Variants in AUTS2 observed in about 807,000 individuals in gnomAD.
AUTS2 encodes activator of transcription and developmental regulator AUTS2.
In AUTS2, 17 loss-of-function variants were observed where a neutral mutation model predicts 112.4. That is an observed-to-expected ratio of 0.15 (90% CI 0.10 to 0.23). The LOEUF (loss-of-function observed/expected upper bound fraction) is 0.23, where lower values mean the gene tolerates loss of function less well. AUTS2 is among the 10% of genes least tolerant of loss of function. AUTS2 has a pLI of 1.00. For synonymous variants in AUTS2, 751 were observed against 702.7 expected (o/e 1.07, Z -1.09); for missense variants, 1,510 against 1,701.6 (o/e 0.89, Z 1.98).
intron 2 of AUTS2, among the ~76,000 whole-genome samples, chr7:70,003,802 A>ATT (rs1799372978): frequency 1.1e-4 from 10 of 93,746 alleles, no homozygotes; most frequent in African/African-American, 4.1e-4. Context: ...GAATATATAT[A>ATT]ATATATGAAT....
At chr7:70,627,531 G>A (rs1043658531) in intron 5 of AUTS2, among the ~76,000 whole-genome samples, 1 of 152,190 alleles carries the variant, frequency 6.6e-6, no homozygotes, top group Non-Finnish European at 1.5e-5. Flanking sequence ...TACTAACCCA[G>A]TCTTCGGGTA....
intron 4 of AUTS2, among the ~76,000 whole-genome samples, chr7:70,217,629 G>A (rs1024829492): frequency 1.3e-5 from 2 of 152,166 alleles, no homozygotes; most frequent in Non-Finnish European, 2.9e-5. Context: ...TGAGGTAAAG[G>A]TTATTCATCT....
chr7:70,594,717 G>A (rs1803109139), intron 5 of AUTS2, among the ~76,000 whole-genome samples: 1 of 152,168 alleles, frequency 6.6e-6, no homozygotes, highest in South Asian at 2.1e-4. Flanking sequence ...AATAGACTCA[G>A]CGAGAGTGGG....
intron 4 of AUTS2, among the ~76,000 whole-genome samples, chr7:70,211,081 C>T (rs754874560): frequency 1.4e-4 from 21 of 152,172 alleles, no homozygotes; most frequent in Non-Finnish European, 2.2e-4. Flanking sequence ...CGGAGAGTAT[C>T]GTGTGTCTTA....
intron 13 of AUTS2, 81 bp from the exon 14 acceptor site, chr7:70,777,022 C>A (rs1246761201): frequency 1.4e-6 from 2 of 1,417,602 alleles, no homozygotes; most frequent in African/African-American, 2.8e-5. Context: ...CAGCCAAAAT[C>A]TGCTGAAAGC....
chr7:70,553,884 A>G (rs1252758857), intron 5 of AUTS2, among the ~76,000 whole-genome samples: 1 of 144,210 alleles, frequency 6.9e-6, no homozygotes, highest in Non-Finnish European at 1.5e-5. Flanking sequence ...CTCCTGCCTC[A>G]ACCCTCCCAA....
At chr7:70,323,556 G>T (rs1361239659) in intron 4 of AUTS2, among the ~76,000 whole-genome samples, 2 of 152,158 alleles carry the variant, frequency 1.3e-5, no homozygotes, top group East Asian at 3.9e-4. Flanking sequence ...TTCTAAAGAG[G>T]AAATTCTTCT....
At chr7:70,409,201 C>G (rs1056155777) in intron 4 of AUTS2, among the ~76,000 whole-genome samples, 3 of 152,164 alleles carry the variant, frequency 2.0e-5, no homozygotes, top group African/African-American at 7.2e-5. Context: ...CTGTCTATCA[C>G]TCTGGATGTA....
At chr7:69,805,179 T>C (rs1447753079) in intron 1 of AUTS2, among the ~76,000 whole-genome samples, 2 of 152,196 alleles carry the variant, frequency 1.3e-5, no homozygotes, top group Non-Finnish European at 2.9e-5. Flanking sequence ...GCAGCCTTGA[T>C]AACAGGAGAT....
intron 4 of AUTS2, among the ~76,000 whole-genome samples, chr7:70,420,341 G>A (rs1278851780): frequency 1.3e-5 from 2 of 152,078 alleles, no homozygotes; most frequent in Non-Finnish European, 2.9e-5. Flanking sequence ...CATCCAGCCA[G>A]GAGCTGTGAC....
chr7:70,261,086 A>C (rs569293348), intron 4 of AUTS2, among the ~76,000 whole-genome samples: 29 of 152,310 alleles, frequency 1.9e-4, no homozygotes, highest in East Asian at 1.5e-3. Context: ...ACTGGAAAGA[A>C]GCAGTATACA....
At chr7:70,003,503 TTATA>T (rs1799336628) in intron 2 of AUTS2, among the ~76,000 whole-genome samples, 1 of 124,694 alleles carries the variant, frequency 8.0e-6, no homozygotes, top group South Asian at 2.4e-4. Context: ...TATGAATATG[TTATA>T]TATGTATATA....
intron 1 of AUTS2, among the ~76,000 whole-genome samples, chr7:69,750,016 A>G (rs967439737): frequency 1.6e-4 from 24 of 152,188 alleles, no homozygotes; most frequent in Admixed American, 1.6e-3. Context: ...GATGAGGAAA[A>G]GTTTACAAGG....
In AUTS2 at chr7:69,887,508, A is replaced by G. The variant is rs571263394; in HGVS notation, c.310-11778A>G. ...TCCAGGACAGAGAAGTAATCATTTTACACTTATCACTTACGGTAACTACAA... is the reference window on the plus strand; with the variant it reads ...TCCAGGACAGAGAAGTAATCATTTTGCACTTATCACTTACGGTAACTACAA... On this transcript the variant is annotated intron_variant, in intron 1 of 18. Coordinates refer to ENST00000342771, the MANE Select transcript of AUTS2 (RefSeq NM_015570.4). Among the ~76,000 whole-genome samples, 191 of 152,010 alleles carry G rather than the reference A, an allele frequency of 1.3e-3. 1 individual carries two copies. Among genetic ancestry groups the G allele is most frequent in the Non-Finnish European group, 2.5e-3 (169 of 68,020 alleles).
chr7:70,132,950 T>C (rs902589495), intron 3 of AUTS2, among the ~76,000 whole-genome samples: 1 of 152,162 alleles, frequency 6.6e-6, no homozygotes, highest in African/African-American at 2.4e-5. Flanking sequence ...TTTGCTTTCT[T>C]CTGCTGCTGC....
intron 1 of AUTS2, among the ~76,000 whole-genome samples, chr7:69,784,325 T>G: frequency 6.6e-6 from 1 of 152,214 alleles, no homozygotes; most frequent in African/African-American, 2.4e-5. Context: ...TAACTTGAAG[T>G]ACTCAGCTAG....
At chr7:70,429,883 G>T (rs767817542) in intron 4 of AUTS2, among the ~76,000 whole-genome samples, 7 of 152,198 alleles carry the variant, frequency 4.6e-5, no homozygotes, top group Non-Finnish European at 8.8e-5. Flanking sequence ...GAAGCATTGT[G>T]TTGAGAGAGT....
intron 3 of AUTS2, among the ~76,000 whole-genome samples, chr7:70,129,966 G>A (rs980514212): frequency 4.0e-5 from 6 of 151,466 alleles, no homozygotes; most frequent in South Asian, 4.2e-4. Flanking sequence ...TCCAAGGTAC[G>A]TTTCTTTGGA....
chr7:70,529,517 G>A (rs1371431031), intron 5 of AUTS2, among the ~76,000 whole-genome samples: 3 of 152,164 alleles, frequency 2.0e-5, no homozygotes, highest in African/African-American at 7.2e-5. Flanking sequence ...ATGGCAAAGT[G>A]CCTCAAGAAA....
Sources: allele counts gnomAD v4.1 joint callset (sites outside exome capture counted in the v4.1 genomes callset), GRCh38; gene constraint gnomAD v4.1.1; transcripts MANE v1.5; gene names NCBI Gene and HGNC (gene_info 2026-07-23, HGNC 2026-07-21).